PPP1R13B: variants seen among roughly 807,000 people sequenced by gnomAD.
PPP1R13B encodes protein phosphatase 1 regulatory subunit 13B.
In PPP1R13B, 44 loss-of-function variants were observed where a neutral mutation model predicts 119.8. The ratio of observed to expected loss-of-function variants is 0.37; its 90% CI spans 0.29 to 0.47. The LOEUF (loss-of-function observed/expected upper bound fraction) is 0.47. Ranked by LOEUF, PPP1R13B falls within the 20% of genes least tolerant of loss-of-function variation. The pLI, the probability that PPP1R13B is intolerant of heterozygous loss-of-function variation, is 0.99. For missense variants in PPP1R13B, 1,227 were observed against 1,413.5 expected, an observed-to-expected ratio of 0.87 and a Z score of 2.12; for synonymous variants, 542 against 561.5, an observed-to-expected ratio of 0.97 and a Z score of 0.49.
intron 2 of PPP1R13B, 93 bp downstream of exon 2, chr14:103,797,278 T>G: frequency 5.3e-6 from 7 of 1,326,682 alleles, no homozygotes; most frequent in Non-Finnish European, 7.2e-6. Context: ...TCCCCATCTT[T>G]ATCAGAAAAA....
upstream of PPP1R13B, chr14:103,848,156 C>T: frequency 1.2e-6 from 1 of 819,950 alleles, no homozygotes; most frequent in Non-Finnish European, 1.5e-6. Context: ...TCTCCCCCAC[C>T]GGCGTCTTCC....
chr14:103,839,700 AC>A (rs2086860413), intron 1 of PPP1R13B, among the ~76,000 whole-genome samples: 2 of 151,492 alleles, frequency 1.3e-5, no homozygotes, highest in Admixed American at 1.3e-4. Flanking sequence ...GATCAATCCT[AC>A]ACTACTCTCT....
rs543090977 is a variant in PPP1R13B, at chr14:103,734,445, G to A, written c.*709C>T. ...AGCAGCATGACAGGCTGTGAGATCG[G>A]AGGAGAAGAGTATATGCTGAGGCTC... On this transcript the variant is annotated 3_prime_UTR_variant, in exon 17 of 17. Transcript: ENST00000202556. 23 of 447,672 alleles carry A rather than the reference G, an allele frequency of 5.1e-5. No individual in the cohort carries two copies. The highest frequency in any genetic ancestry group is 3.6e-4 in the African/African-American group (18 of 50,058). 27.7% of individuals were successfully genotyped at this position (447,672 alleles called of 1,614,324 possible). A position where few individuals can be genotyped will look rare whatever the true frequency, so the allele number is the denominator to read the frequency against.
chr14:103,829,766 A>G (rs1462542791), intron 1 of PPP1R13B, among the ~76,000 whole-genome samples: 1 of 151,906 alleles, frequency 6.6e-6, no homozygotes, highest in Non-Finnish European at 1.5e-5. Context: ...GAGCACCACC[A>G]CACCTGGCTA....
Position 103,805,587 on chromosome 14 carries a change from AGAAGGAAG to A in PPP1R13B, c.10-8077_10-8070del, listed in dbSNP as rs561346014. 5.8e-3 allele frequency among the ~76,000 whole-genome samples: 878 copies of A among 152,010 alleles called. 13 individuals carry two copies. The highest frequency in any genetic ancestry group is 0.019 in the African/African-American group (799 of 41,452). Reference sequence around the variant, plus strand: ...TGCTGTCTCAAAAAAAAGGAAGGAAAGAAGGAAGGAAGGAAGGAAGGAGAGAGAAAAGG... The same window carrying A: ...TGCTGTCTCAAAAAAAAGGAAGGAAAGAAGGAAGGAAGGAGAGAGAAAAGG... On this transcript the variant is annotated intron_variant, in intron 1 of 16. Coordinates refer to ENST00000202556, the MANE Select transcript of PPP1R13B (RefSeq NM_015316.3).
chr14:103,796,557 G>C (rs767305729), intron 2 of PPP1R13B, among the ~76,000 whole-genome samples: 2 of 152,192 alleles, frequency 1.3e-5, no homozygotes, highest in Non-Finnish European at 2.9e-5. Context: ...AATTGCATTA[G>C]AAAACAGTCT....
At chr14:103,778,603 A>G in intron 4 of PPP1R13B, 142 bp downstream of exon 4, 1 of 669,564 alleles carries the variant, frequency 1.5e-6, no homozygotes, top group Non-Finnish European at 2.7e-6. Context: ...AGAGGGTCTC[A>G]CCATCTTGCT....
At chr14:103,830,653 T>C (rs1032171435) in intron 1 of PPP1R13B, among the ~76,000 whole-genome samples, 13 of 152,190 alleles carry the variant, frequency 8.5e-5, no homozygotes, top group Non-Finnish European at 1.3e-4. Flanking sequence ...AAAACTACTA[T>C]AATAAAACCC....
chr14:103,742,947 C>T lies in PPP1R13B; in HGVS notation c.1151-124G>A, dbSNP rs1389500062. On this transcript the variant is annotated intron_variant, in intron 9 of 16. Coordinates refer to ENST00000202556, the MANE Select transcript of PPP1R13B (RefSeq NM_015316.3). This position sits in a 1 kb window ranked among gnomAD's most constrained non-coding sequence, Gnocchi z 4.9. ...CCCATTCTGATGCAGATCCATTAAC[C>T]GAGTGGTCAACCACCAGCCACATGC... The T allele has an allele frequency of 7.8e-6, 9 of 1,149,730 alleles. No individual in the cohort carries two copies. The highest frequency in any genetic ancestry group is 2.2e-4 in the Middle Eastern group (1 of 4,590). 71.2% of individuals were successfully genotyped at this position (1,149,730 alleles called of 1,614,324 possible). A position where few individuals can be genotyped will look rare whatever the true frequency, so the allele number is the denominator to read the frequency against.
intron 2 of PPP1R13B, among the ~76,000 whole-genome samples, chr14:103,786,049 C>T (rs970744254): frequency 1.3e-5 from 2 of 151,966 alleles, no homozygotes; most frequent in Admixed American, 6.6e-5. Flanking sequence ...CACTCCTTTA[C>T]TTTTTTTGAG....
At chr14:103,739,738 ACAGC>A in intron 12 of PPP1R13B, 82 bp downstream of exon 12, 1 of 1,433,580 alleles carries the variant, frequency 7.0e-7, no homozygotes, top group South Asian at 1.4e-5. Flanking sequence ...TGCTCCCAGC[ACAGC>A]CTGACCAAGG....
chr14:103,762,365 C>G (rs1387822937), intron 4 of PPP1R13B, among the ~76,000 whole-genome samples: 1 of 144,640 alleles, frequency 6.9e-6, no homozygotes, highest in Non-Finnish European at 1.5e-5. Context: ...TGTCCCTAAT[C>G]TTGATATGCT....
chr14:103,844,177 G>C (rs2086973126), intron 1 of PPP1R13B, among the ~76,000 whole-genome samples: 2 of 151,924 alleles, frequency 1.3e-5, no homozygotes, highest in African/African-American at 4.8e-5. Flanking sequence ...TGTGGCATGA[G>C]AATCACTTGA....
chr14:103,765,986 T>TATTA (rs1555436561), intron 4 of PPP1R13B, among the ~76,000 whole-genome samples: 1 of 139,076 alleles, frequency 7.2e-6, no homozygotes, highest in African/African-American at 2.8e-5. Flanking sequence ...AAATTTTTAT[T>TATTA]TTATTATTAT....
chr14:103,778,859 AT>A, intron 3 of PPP1R13B, 38 bp from the exon 4 acceptor site: 1 of 1,505,074 alleles, frequency 6.6e-7, no homozygotes, highest in Non-Finnish European at 9.2e-7. Flanking sequence ...CAAAAGGCGT[AT>A]TAGAAAAAAG....
chr14:103,780,659 A>T (rs2085315709), intron 3 of PPP1R13B, among the ~76,000 whole-genome samples: 1 of 151,236 alleles, frequency 6.6e-6, no homozygotes, highest in South Asian at 2.1e-4. Flanking sequence ...CTAAAAATAC[A>T]AAAAATTAGC....
chr14:103,808,067 C>T (rs1199941844), intron 1 of PPP1R13B, among the ~76,000 whole-genome samples: 2 of 151,558 alleles, frequency 1.3e-5, no homozygotes, highest in Non-Finnish European at 2.9e-5. Context: ...ATGGCGAAAC[C>T]CCATCTCTAC....
chr14:103,822,525 T>G (rs1047689944), intron 1 of PPP1R13B, among the ~76,000 whole-genome samples: 1 of 152,096 alleles, frequency 6.6e-6, no homozygotes, highest in African/African-American at 2.4e-5. Flanking sequence ...AAATTCACCC[T>G]AACTACCTAT....
In PPP1R13B at chr14:103,746,373, C is replaced by T. The variant is rs1478014306; in HGVS notation, c.1150G>A (p.Ala384Thr). Residue 384 changes from alanine (A) to threonine (T), a missense_variant and splice_region_variant, in exon 9 of 17, where the codon GCT becomes ACT. Ala to Thr is a moderately conservative substitution (Grantham distance 58). Transcript: ENST00000202556. ...CAGGAAGAGGGCCAGGACCACTCAC[C>T]GGATTTGGATCTTCCATGAGCAGCA... is the stretch of plus-strand genomic sequence containing the variant. ...SNAAHGRSKS[A>T]NDGNWPTLKQ... The T allele has an allele frequency of 3.8e-6, 6 of 1,582,056 alleles. No homozygotes were observed. Among genetic ancestry groups the T allele is most frequent in the Admixed American group, 1.7e-5 (1 of 58,232 alleles).
Sources: gnomAD v4.1 joint callset for allele counts (sites outside exome capture counted in the v4.1 genomes callset) on GRCh38, gnomAD v4.1.1 for gene constraint, Gnocchi (gnomAD v3.1) non-coding constraint, MANE v1.5 for transcripts, NCBI Gene and HGNC (gene_info 2026-07-23, HGNC 2026-07-21) for gene names.